Variants in SLC35D2 observed in about 807,000 individuals in gnomAD.
The protein encoded by SLC35D2 is solute carrier family 35 member D2, also known as nucleotide sugar transporter SLC35D2.
Under a neutral mutation model 41.8 loss-of-function variants are expected in SLC35D2, and 43 were observed. The observed-to-expected ratio is 1.03, with a 90% CI of 0.81 to 1.33. The LOEUF (loss-of-function observed/expected upper bound fraction) is 1.33. Ranked by LOEUF, SLC35D2 falls within the 40% of genes most tolerant of loss-of-function variation. The probability of loss-of-function intolerance (pLI) is 0.00; values close to 1 mark genes in which losing one functional copy is unlikely to be tolerated. For missense variants in SLC35D2, 380 were observed against 408.4 expected, an observed-to-expected ratio of 0.93 and a Z score of 0.60; for synonymous variants, 150 against 163.9, an observed-to-expected ratio of 0.92 and a Z score of 0.65.
intron 9 of SLC35D2, among the ~76,000 whole-genome samples, chr9:96,333,367 C>T (rs1158521278): frequency 1.3e-5 from 2 of 150,924 alleles, no homozygotes; most frequent in East Asian, 2.0e-4. Flanking sequence ...GAGGCTGAGG[C>T]GGGTGGACCA....
At chr9:96,320,645 C>CTGTTACATTGTGAATGA (rs1297379467), downstream of SLC35D2, 1 of 151,874 alleles carries the variant, frequency 6.6e-6, no homozygotes, top group Non-Finnish European at 1.5e-5. Context: ...GTGACACATT[C>CTGTTACATTGTGAATGA]TGTTACATTG....
At chr9:96,319,112 A>G (rs2130818575), downstream of SLC35D2, among the ~76,000 whole-genome samples, 1 of 152,364 alleles carries the variant, frequency 6.6e-6, no homozygotes, top group East Asian at 1.9e-4. Flanking sequence ...GGTGGAAGCA[A>G]GCCGAGTGTC....
intron 10 of SLC35D2, 97 bp downstream of exon 10, chr9:96,323,994 C>A: frequency 9.6e-7 from 1 of 1,040,398 alleles, no homozygotes; most frequent in East Asian, 2.4e-5. Flanking sequence ...CGTTCTTACA[C>A]CACCACCAAC....
intron 2 of SLC35D2, among the ~76,000 whole-genome samples, chr9:96,366,290 A>G (rs1830469041): frequency 6.7e-6 from 1 of 149,606 alleles, no homozygotes; most frequent in Admixed American, 6.7e-5. Flanking sequence ...CAAGAGAGCC[A>G]GACACTGGAA....
intron 1 of SLC35D2, among the ~76,000 whole-genome samples, chr9:96,371,765 C>A: frequency 8.6e-6 from 1 of 116,758 alleles, no homozygotes; most frequent in African/African-American, 3.2e-5. Flanking sequence ...CTCGCTCTGT[C>A]GCCCAGGCTG....
rs34820429 is a variant in SLC35D2 at position 96,366,517 on chromosome 9, A to ATTTTT, written c.192+1750_192+1754dup. Among the ~76,000 whole-genome samples the ATTTTT allele has an allele frequency of 4.9e-4, 51 of 103,582 alleles. 1 individual carries two copies. The highest frequency in any genetic ancestry group is 1.3e-3 in the African/African-American group (34 of 26,584). 68.0% of individuals were successfully genotyped at this position (103,582 alleles called of 152,430 possible). On this transcript the variant is annotated intron_variant, in intron 2 of 11. Transcript: ENST00000253270. ...GACTACAAAGGACACCTTATCACTG[A>ATTTTT]TTTTTTTTTTTTTTTTTTTTTTTGA... is the stretch of plus-strand genomic sequence containing the variant.
intron 6 of SLC35D2, among the ~76,000 whole-genome samples, chr9:96,346,390 A>T (rs1476539352): frequency 1.3e-5 from 2 of 152,176 alleles, no homozygotes. Flanking sequence ...ATGAACGAGA[A>T]GGGTTCTTTT....
chr9:96,371,930 T>G (rs899180080), intron 1 of SLC35D2, among the ~76,000 whole-genome samples: 2 of 151,458 alleles, frequency 1.3e-5, no homozygotes, highest in South Asian at 2.1e-4. Context: ...GTTTCACCGT[T>G]TTAGCCGGGA....
chr9:96,359,847 T>A (rs915694578), intron 4 of SLC35D2, among the ~76,000 whole-genome samples: 1 of 152,084 alleles, frequency 6.6e-6, no homozygotes, highest in Admixed American at 6.6e-5. Flanking sequence ...AAACCAAAAG[T>A]CACACAAAAT....
intron 9 of SLC35D2, among the ~76,000 whole-genome samples, chr9:96,324,800 C>T (rs1828441199): frequency 2.0e-5 from 3 of 152,104 alleles, no homozygotes; most frequent in African/African-American, 2.4e-5. Flanking sequence ...GGCAATCCAC[C>T]CGCCTTGGCC....
chr9:96,315,679 C>T (rs1308821594), intron 11 of SLC35D2, among the ~76,000 whole-genome samples: 5 of 152,000 alleles, frequency 3.3e-5, no homozygotes, highest in South Asian at 2.1e-4. Context: ...GTGATCCACC[C>T]GCCTCGGCCT....
intron 8 of SLC35D2, 80 bp downstream of exon 8, chr9:96,343,824 G>C: frequency 1.2e-6 from 1 of 859,968 alleles, no homozygotes; most frequent in Non-Finnish European, 1.8e-6. Context: ...TACACTTTTT[G>C]TTTCAGTGCA....
intron 9 of SLC35D2, among the ~76,000 whole-genome samples, chr9:96,333,594 CAAAAAAAAA>C (rs573718212): frequency 0.27 from 18,435 of 68,832 alleles, 1,617 homozygotes; most frequent in East Asian, 0.44. Flanking sequence ...GACTCCGTCT[CAAAAAAAAA>C]AAAAAAAAAA....
chr9:96,355,092 T>C (rs1382172376), intron 4 of SLC35D2, among the ~76,000 whole-genome samples: 2 of 151,306 alleles, frequency 1.3e-5, no homozygotes, highest in African/African-American at 4.9e-5. Context: ...TCATCTTGGC[T>C]CACTGCAACC....
rs149364851 is a variant in SLC35D2 at position 96,315,369 on chromosome 9, G to A, written c.*1036-470C>T. ...ACTCCTGGGTTCAAGCAATCCATCC[G>A]CCTGCTTTGGCCTTCCAAAATGCTA... On this transcript the variant is annotated intron_variant and NMD_transcript_variant, in intron 11 of 11. Transcript: ENST00000650065. 6.5e-3 allele frequency among the ~76,000 whole-genome samples: 797 copies of A among 123,276 alleles called. 9 individuals are homozygous for A. Among genetic ancestry groups the A allele is most frequent in the African/African-American group, 0.021 (734 of 35,250 alleles). 80.9% of individuals were successfully genotyped at this position (123,276 alleles called of 152,430 possible).
intron 11 of SLC35D2, among the ~76,000 whole-genome samples, chr9:96,315,680 G>A (rs370540968): frequency 3.1e-4 from 47 of 152,156 alleles, no homozygotes; most frequent in South Asian, 4.1e-4. Flanking sequence ...TGATCCACCC[G>A]CCTCGGCCTC....
intron 4 of SLC35D2, among the ~76,000 whole-genome samples, chr9:96,355,247 G>A (rs996485662): frequency 1.1e-4 from 17 of 151,848 alleles, no homozygotes; most frequent in Non-Finnish European, 8.8e-5. Flanking sequence ...TCAAACTCCT[G>A]ACCTCAAGTG....
At chr9:96,341,597 T>C (rs1829328357) in intron 8 of SLC35D2, among the ~76,000 whole-genome samples, 2 of 152,186 alleles carry the variant, frequency 1.3e-5, no homozygotes, top group Non-Finnish European at 1.5e-5. Context: ...CTTTGAAAAA[T>C]GTCTGACATA....
chr9:96,378,736 C>T (rs1431383540), intron 1 of SLC35D2, among the ~76,000 whole-genome samples: 1 of 151,684 alleles, frequency 6.6e-6, no homozygotes, highest in Non-Finnish European at 1.5e-5. Context: ...AAAACCTCGT[C>T]TCTACAAAAA....
Sources: gnomAD v4.1 joint callset for allele counts (sites outside exome capture counted in the v4.1 genomes callset) on GRCh38, gnomAD v4.1.1 for gene constraint, MANE v1.5 for transcripts, NCBI Gene and HGNC (gene_info 2026-07-23, HGNC 2026-07-21) for gene names.